Variants in HDAC5 observed in about 807,000 individuals in gnomAD.
HDAC5 encodes the protein antigen NY-CO-9.
In HDAC5, 25 loss-of-function variants were observed where a neutral mutation model predicts 133.3. That is an observed-to-expected ratio of 0.19 (90% CI 0.14 to 0.26). HDAC5 has a LOEUF of 0.26. HDAC5 is among the 10% of genes least tolerant of loss of function. The probability of loss-of-function intolerance (pLI) is 1.00; values close to 1 mark genes in which losing one functional copy is unlikely to be tolerated. For synonymous variants in HDAC5, 589 were observed against 610.8 expected, an observed-to-expected ratio of 0.96 and a Z score of 0.53; for missense variants, 1,041 against 1,460.5, an observed-to-expected ratio of 0.71 and a Z score of 4.68.
intron 15 of HDAC5, among the ~76,000 whole-genome samples, 154 bp from the exon 16 acceptor site, chr17:44,084,829 C>T (rs2050572120): frequency 6.6e-6 from 1 of 152,164 alleles, no homozygotes; most frequent in Admixed American, 6.5e-5. Context: ...ACCTTACTCC[C>T]GGATCCCCCC....
chr17:44,115,638 C>T (rs536804057), intron 2 of HDAC5, among the ~76,000 whole-genome samples: 1 of 152,342 alleles, frequency 6.6e-6, no homozygotes, highest in Admixed American at 6.5e-5. Context: ...AGTCCAGAAC[C>T]CCAGGAACAC....
At chr17:44,096,256 ACT>A (rs2051264850) in intron 3 of HDAC5, among the ~76,000 whole-genome samples, 1 of 151,140 alleles carries the variant, frequency 6.6e-6, no homozygotes, top group South Asian at 2.1e-4. Context: ...GAAAGCCCTC[ACT>A]CTCCTCGCTA....
intron 2 of HDAC5, chr17:44,111,077 C>A: frequency 2.1e-6 from 1 of 486,284 alleles, no homozygotes; most frequent in Non-Finnish European, 3.9e-6. Context: ...TCTAGAGGGG[C>A]ATCCGACCAC....
chr17:44,119,969 ACT>A (rs1305301217), intron 1 of HDAC5: 1 of 151,210 alleles, frequency 6.6e-6, no homozygotes, highest in Admixed American at 6.6e-5. Flanking sequence ...CCTCACACCA[ACT>A]CTTTCTTCCA....
At chr17:44,121,736 T>C (rs1477701605) in intron 1 of HDAC5, among the ~76,000 whole-genome samples, 1 of 151,840 alleles carries the variant, frequency 6.6e-6, no homozygotes, top group Non-Finnish European at 1.5e-5. Flanking sequence ...CTACTTGGGG[T>C]GGGTGGGGCA....
intron 3 of HDAC5, among the ~76,000 whole-genome samples, chr17:44,096,774 CCTT>C (rs1170807258): frequency 6.8e-6 from 1 of 147,102 alleles, no homozygotes; most frequent in Non-Finnish European, 1.5e-5. Flanking sequence ...CTGCCCCTGG[CCTT>C]TTTTTTAGAT....
chr17:44,121,947 A>G (rs1342504388), intron 1 of HDAC5, among the ~76,000 whole-genome samples: 2 of 152,050 alleles, frequency 1.3e-5, no homozygotes, highest in Admixed American at 1.3e-4. Context: ...CCATTTCTCT[A>G]ACTCAGAGAG....
rs375974653 is a variant in HDAC5 at position 44,086,616 on chromosome 17, A to G, written c.2006T>C (p.Met669Thr). 3 of 1,304,058 alleles carry G rather than the reference A, an allele frequency of 2.3e-6. No individual in the cohort carries two copies. Among genetic ancestry groups the G allele is most frequent in the Non-Finnish European group, 2.9e-6 (3 of 1,018,464 alleles). 80.8% of individuals were successfully genotyped at this position (1,304,058 alleles called of 1,614,324 possible). ...TQSSPAAPGG[M>T]KSPPDQPVKH... is the part of the protein sequence containing the mutation. ...GACGGGCTGGTCTGGGGGGCTCTTCATGCCCCCAGGGGCAGCAGGGGAGGA... is the reference window on the plus strand; with the variant it reads ...GACGGGCTGGTCTGGGGGGCTCTTCGTGCCCCCAGGGGCAGCAGGGGAGGA... The change falls in exon 14 of 27, where the codon ATG becomes ACG. Residue 669 changes from methionine to threonine, a missense_variant. Coordinates refer to ENST00000682912, the MANE Select transcript of HDAC5 (RefSeq NM_005474.5).
intron 11 of HDAC5, among the ~76,000 whole-genome samples, chr17:44,089,395 G>A (rs2050820282): frequency 6.6e-6 from 1 of 151,954 alleles, no homozygotes; most frequent in South Asian, 2.1e-4. Context: ...GATCACTTGA[G>A]GTCAGGAGTT....
chr17:44,080,905 C>T lies in HDAC5; in HGVS notation c.2608-23G>A, dbSNP rs368069806. On this transcript the variant is annotated intron_variant, in intron 20 of 26. Transcript: ENST00000682912. Reference sequence around the variant, plus strand: ...GTCCTATGAGGGGAGGTAGAAGCATCGGGAAAATGGCCCGCGCTCTGACCC... The same window carrying T: ...GTCCTATGAGGGGAGGTAGAAGCATTGGGAAAATGGCCCGCGCTCTGACCC... 39 of 1,613,966 alleles carry T rather than the reference C, an allele frequency of 2.4e-5. No individual in the cohort carries two copies. The East Asian group carries it at 2.9e-4, about 12-fold the overall frequency.
intron 6 of HDAC5, 126 bp from the exon 7 acceptor site, chr17:44,092,932 G>T: frequency 1.5e-6 from 1 of 656,224 alleles, no homozygotes; most frequent in Non-Finnish European, 2.6e-6. Context: ...TGGATCTTGG[G>T]GAAGGAATGA....
Position 44,093,823 on chromosome 17 carries a change from G to A in HDAC5, c.106C>T (p.Pro36Ser), listed in dbSNP as rs267604897. 1.3e-6 allele frequency: 2 copies of A among 1,511,274 alleles called. No individual in the cohort carries two copies. Among genetic ancestry groups the A allele is most frequent in the South Asian group, 2.7e-5 (2 of 74,488 alleles). The allele number at this position is 1,511,274 out of a possible 1,614,324, so 93.6% of individuals were successfully genotyped here. ...HSIPVTVEVK[P>S]VLPRAMPSSM... is the part of the protein sequence containing the mutation. ...CTGGGCATGGCTCTTGGCAGCACCG[G>A]CTTCACCTCCACTGTGGGCAGAAGA... The change falls in exon 4 of 27, where the codon CCG (proline) becomes TCG (serine). Residue 36 changes from proline to serine, a missense_variant. By Grantham distance (74) the Pro-to-Ser change is moderately conservative (BLOSUM62 -1). Around this residue, in one of 9 missense-constraint regions of HDAC5, gnomAD observed 93 missense variants for 98.8 expected, o/e 0.94. Coordinates refer to ENST00000682912, the MANE Select transcript of HDAC5 (RefSeq NM_005474.5).
intron 2 of HDAC5, among the ~76,000 whole-genome samples, chr17:44,114,680 G>A (rs962033894): frequency 1.7e-4 from 26 of 152,298 alleles, no homozygotes; most frequent in African/African-American, 6.0e-4. Flanking sequence ...AGCTGGCCTG[G>A]GTCCCAGGCC....
intron 3 of HDAC5, among the ~76,000 whole-genome samples, chr17:44,108,435 T>A (rs8081772): frequency 0.023 from 3,465 of 152,148 alleles, 118 homozygotes; most frequent in African/African-American, 0.078. Context: ...GCAAAGGCTA[T>A]CCCTAAAATA....
chr17:44,087,323 TG>T, intron 13 of HDAC5, 88 bp downstream of exon 13: 1 of 685,000 alleles, frequency 1.5e-6, no homozygotes, highest in Non-Finnish European at 2.7e-6. Flanking sequence ...AAACTGCAGA[TG>T]GGGGAGAGGG....
In HDAC5 at chr17:44,078,588, C is replaced by T. The variant is rs764051206; in HGVS notation, c.3241G>A (p.Glu1081Lys). 3.7e-6 allele frequency: 6 copies of T among 1,610,082 alleles called. No individual in the cohort carries two copies. Among genetic ancestry groups the T allele is most frequent in the Non-Finnish European group, 4.2e-6 (5 of 1,179,974 alleles). Residue 1081 changes from glutamate to lysine, a missense_variant, in exon 26 of 27, where the codon GAG becomes AAG. This residue lies in a region of HDAC5 where 95 missense variants were observed against 107.3 expected (regional missense o/e 0.88). Coordinates refer to ENST00000682912, the MANE Select transcript of HDAC5 (RefSeq NM_005474.5). ...ATGGCGCTCACAGTCTCGGCCTCCT[C>T]GGTCTCACCTGCTTGGGCCTCTCGC... Reference protein sequence around the residue: ...SLREAQAGETEEAETVSAMAL... With the variant: ...SLREAQAGETKEAETVSAMAL...
chr17:44,111,254 G>A (rs768425296), intron 2 of HDAC5: 27 of 294,692 alleles, frequency 9.2e-5, no homozygotes, highest in Non-Finnish European at 1.8e-4. Flanking sequence ...GCAGCTGGCA[G>A]GAGACTGAAA....
At chr17:44,088,143 G>A (rs756618506) in intron 12 of HDAC5, among the ~76,000 whole-genome samples, 19 of 152,276 alleles carry the variant, frequency 1.2e-4, no homozygotes, top group South Asian at 2.1e-4. Context: ...CGAGTAGCTG[G>A]GATTATTATA....
At chr17:44,101,957 G>A (rs2051640372) in intron 3 of HDAC5, among the ~76,000 whole-genome samples, 1 of 152,188 alleles carries the variant, frequency 6.6e-6, no homozygotes, top group Non-Finnish European at 1.5e-5. Context: ...TCTCTCCTTG[G>A]GCTAAAATCC....
Sources: gnomAD v4.1 joint callset for allele counts (sites outside exome capture counted in the v4.1 genomes callset) on GRCh38, gnomAD v4.1.1 for gene constraint, gnomAD v4.1.1 regional missense constraint, MANE v1.5 for transcripts, NCBI Gene and HGNC (gene_info 2026-07-23, HGNC 2026-07-21) for gene names.